The following CTNND1 variants were observed in gnomAD, a reference collection of about 807,000 sequenced individuals.
The protein encoded by CTNND1 is catenin delta-1.
Under a neutral mutation model 112.1 loss-of-function variants are expected in CTNND1, and 16 were observed. The ratio of observed to expected loss-of-function variants is 0.14; its 90% CI spans 0.10 to 0.22. CTNND1 has a LOEUF of 0.22. Ranked by LOEUF, CTNND1 falls within the 10% of genes least tolerant of loss-of-function variation. The pLI, the probability that CTNND1 is intolerant of heterozygous loss-of-function variation, is 1.00. For synonymous variants in CTNND1, 420 were observed against 446.5 expected (o/e 0.94, Z 0.75); for missense variants, 1,008 against 1,257.0 (o/e 0.80, Z 3.00).
intron 1 of CTNND1, among the ~76,000 whole-genome samples, chr11:57,771,941 T>C (rs80196524): frequency 6.6e-6 from 1 of 151,894 alleles, no homozygotes; most frequent in Non-Finnish European, 1.5e-5. Flanking sequence ...TTTTTCTTTT[T>C]TTTTTTTCTT....
chr11:57,764,523 C>A (rs906096190), intron 1 of CTNND1, among the ~76,000 whole-genome samples: 2 of 152,158 alleles, frequency 1.3e-5, no homozygotes, highest in African/African-American at 2.4e-5. Flanking sequence ...TTATCTCCTT[C>A]TATTTTGGTA....
At position 57,796,977 on chromosome 11, in the gene CTNND1, CTCG is replaced by C. The variant is rs1348610717; in HGVS notation, c.945_947del (p.Arg317del). On this transcript the variant is annotated inframe_deletion, in exon 6 of 21. Coordinates refer to ENST00000399050, the MANE Select transcript of CTNND1 (RefSeq NM_001085458.2). ...CGTCGGACTGGGACACCCTCTGACCCTCGTCGGCGCCTCAGGTAGGCAAGAATA... is the reference window on the plus strand; with the variant it reads ...CGTCGGACTGGGACACCCTCTGACCCTCGGCGCCTCAGGTAGGCAAGAATA... 6.8e-7 allele frequency: 1 copy of C among 1,470,320 alleles called. No homozygotes were observed. Among genetic ancestry groups the C allele is most frequent in the East Asian group, 2.3e-5 (1 of 43,264 alleles). The allele number at this position is 1,470,320 out of a possible 1,614,324, so 91.1% of individuals were successfully genotyped here.
At chr11:57,764,685 T>A (rs748584597) in intron 1 of CTNND1, among the ~76,000 whole-genome samples, 1 of 152,166 alleles carries the variant, frequency 6.6e-6, no homozygotes, top group Non-Finnish European at 1.5e-5. Flanking sequence ...TCAGAGAAGC[T>A]GAGGTTTGGT....
intron 3 of CTNND1, 149 bp from the exon 4 acceptor site, chr11:57,793,861 A>G (rs2061040915): frequency 1.4e-6 from 1 of 695,332 alleles, no homozygotes; most frequent in Middle Eastern, 2.6e-4. Context: ...TAAAGAGTGA[A>G]TGGTTCTTTT....
intron 1 of CTNND1, among the ~76,000 whole-genome samples, chr11:57,772,098 T>TA (rs1952815823): frequency 6.8e-6 from 1 of 147,116 alleles, no homozygotes; most frequent in Non-Finnish European, 1.5e-5. Flanking sequence ...ATTTTTGTAT[T>TA]TTTTTTTTTT....
rs2064044812 is a variant in CTNND1, at chr11:57,817,498, G to A, written c.*1190G>A. 1 of 152,494 alleles carries A rather than the reference G, an allele frequency of 6.6e-6. No individual in the cohort carries two copies. Among genetic ancestry groups the A allele is most frequent in the Admixed American group, 6.5e-5 (1 of 15,272 alleles). 9.4% of individuals were successfully genotyped at this position (152,494 alleles called of 1,614,324 possible). A position where few individuals can be genotyped will look rare whatever the true frequency, so the allele number is the denominator to read the frequency against. ...TTTGTTGCTTTCTTACCTACTATTG[G>A]CCCTAAATAGCAGAAAGAAGAGAAG... On this transcript the variant is annotated 3_prime_UTR_variant, in exon 21 of 21. Coordinates refer to ENST00000399050, the MANE Select transcript of CTNND1 (RefSeq NM_001085458.2).
At position 57,788,880 on chromosome 11, in the gene CTNND1, A is replaced by G. The variant is rs1365535775; in HGVS notation, c.-213-157A>G. On this transcript the variant is annotated intron_variant, in intron 1 of 20. Transcript: ENST00000399050. This position sits in a 1 kb window ranked among gnomAD's most constrained non-coding sequence, Gnocchi z 4.1. Reference sequence around the variant, plus strand: ...CAAGGCCTAGGTATCTGAACACAACAAGGTCTAAAGGGCACTTGTCACATT... The same window carrying G: ...CAAGGCCTAGGTATCTGAACACAACGAGGTCTAAAGGGCACTTGTCACATT... Among the ~76,000 whole-genome samples the G allele has an allele frequency of 6.6e-6, 1 of 152,202 alleles. No homozygotes were observed. Among genetic ancestry groups the G allele is most frequent in the Non-Finnish European group, 1.5e-5 (1 of 68,030 alleles).
rs2064044406 is a variant in CTNND1 at position 57,817,491 on chromosome 11, A to G, written c.*1183A>G. On this transcript the variant is annotated 3_prime_UTR_variant, in exon 21 of 21. Coordinates refer to ENST00000399050, the MANE Select transcript of CTNND1 (RefSeq NM_001085458.2). ...ATTATATTTTGTTGCTTTCTTACCT[A>G]CTATTGGCCCTAAATAGCAGAAAGA... 6.6e-6 allele frequency: 1 copy of G among 152,516 alleles called. No individual in the cohort carries two copies. 9.4% of individuals were successfully genotyped at this position (152,516 alleles called of 1,614,324 possible). A position where few individuals can be genotyped will look rare whatever the true frequency, so the allele number is the denominator to read the frequency against.
At chr11:57,775,854 C>T (rs1954105350) in intron 1 of CTNND1, among the ~76,000 whole-genome samples, 2 of 152,156 alleles carry the variant, frequency 1.3e-5, no homozygotes, top group Admixed American at 1.3e-4. Context: ...TGTGTGTGCT[C>T]CTGTTTCCTT....
At chr11:57,769,911 T>A (rs974286317) in intron 1 of CTNND1, among the ~76,000 whole-genome samples, 1 of 152,222 alleles carries the variant, frequency 6.6e-6, no homozygotes, top group African/African-American at 2.4e-5. Context: ...TTTGGTTTAG[T>A]TGACAGTTGA....
In CTNND1 at chr11:57,782,280, T is replaced by G. The variant is rs1422779713; in HGVS notation, c.-213-6757T>G. Among the ~76,000 whole-genome samples, 4 of 152,334 alleles carry G rather than the reference T, an allele frequency of 2.6e-5. No homozygotes were observed. In the South Asian group the frequency reaches 8.3e-4, roughly 32 times the overall value. ...GAGGAGGGTGGTCTGCCCAGAGCCT[T>G]CCTTAATTCATCAGAGAGATTCCTG... is the stretch of plus-strand genomic sequence containing the variant. On this transcript the variant is annotated intron_variant, in intron 1 of 20. Coordinates refer to ENST00000399050, the MANE Select transcript of CTNND1 (RefSeq NM_001085458.2).
chr11:57,810,079 A>C, intron 15 of CTNND1, 30 bp from the exon 16 acceptor site: 2 of 1,542,972 alleles, frequency 1.3e-6, no homozygotes, highest in Non-Finnish European at 1.8e-6. Context: ...TTTATATCCA[A>C]ATTCCGTATG....
chr11:57,764,467 T>G (rs1273968513), intron 1 of CTNND1, among the ~76,000 whole-genome samples: 2 of 152,220 alleles, frequency 1.3e-5, no homozygotes, highest in Non-Finnish European at 2.9e-5. Context: ...AAATTAAGCA[T>G]AGATCACTAT....
intron 4 of CTNND1, among the ~76,000 whole-genome samples, chr11:57,795,362 T>G (rs1318158961): frequency 6.6e-6 from 1 of 152,182 alleles, no homozygotes; most frequent in African/African-American, 2.4e-5. Context: ...TATAGTTAGT[T>G]CATGTTTGTT....
intron 7 of CTNND1, among the ~76,000 whole-genome samples, 189 bp downstream of exon 7, chr11:57,802,385 G>A (rs947470242): frequency 3.3e-5 from 5 of 152,210 alleles, no homozygotes; most frequent in African/African-American, 7.2e-5. Flanking sequence ...GGTTGCTGAT[G>A]TTTAAAATTC....
intron 1 of CTNND1, among the ~76,000 whole-genome samples, chr11:57,766,940 G>C (rs1055086527): frequency 1.3e-5 from 2 of 151,788 alleles, no homozygotes; most frequent in African/African-American, 4.8e-5. Flanking sequence ...GGCATATAGT[G>C]GGGGAATTAT....
In CTNND1 at chr11:57,808,484, C is replaced by T. The variant is rs1287594286; in HGVS notation, c.2186C>T (p.Ala729Val). The T allele has an allele frequency of 6.2e-7, 1 of 1,612,464 alleles. No individual in the cohort carries two copies. The highest frequency in any genetic ancestry group is 1.1e-5 in the South Asian group (1 of 90,816). The change falls in exon 14 of 21, where the codon GCT becomes GTT. Residue 729 changes from alanine (A) to valine (V), a missense_variant. This residue lies in a region of CTNND1 where 254 missense variants were observed against 279.5 expected (regional missense o/e 0.91). Transcript: ENST00000399050. Reference protein sequence around the residue: ...LTNEHERVVKAASGALRNLAV... With the variant: ...LTNEHERVVKVASGALRNLAV... ...AATGAACATGAACGGGTGGTGAAAG[C>T]TGCATCTGGAGCACTGAGAAACCTG...
At chr11:57,770,191 G>A (rs1221723593) in intron 1 of CTNND1, among the ~76,000 whole-genome samples, 3 of 152,010 alleles carry the variant, frequency 2.0e-5, no homozygotes, top group East Asian at 1.9e-4. Flanking sequence ...TTAGCCGGGC[G>A]TGGTGGCGGG....
chr11:57,796,209 AC>A (rs1220038282), intron 5 of CTNND1, among the ~76,000 whole-genome samples: 3 of 151,714 alleles, frequency 2.0e-5, no homozygotes, highest in African/African-American at 7.3e-5. Context: ...ACATAGTGAA[AC>A]CCCGTCTCTA....
Sources: gnomAD v4.1 joint callset for allele counts (sites outside exome capture counted in the v4.1 genomes callset) on GRCh38, gnomAD v4.1.1 for gene constraint, gnomAD v4.1.1 regional missense constraint, Gnocchi (gnomAD v3.1) non-coding constraint, MANE v1.5 for transcripts, NCBI Gene and HGNC (gene_info 2026-07-23, HGNC 2026-07-21) for gene names.